PELI1: variants seen among roughly 807,000 people sequenced by gnomAD.
PELI1 encodes the protein E3 ubiquitin-protein ligase pellino homolog 1.
PELI1 carries 15 observed loss-of-function variants against 41.3 expected under a neutral mutation model. That is an observed-to-expected ratio of 0.36 (90% CI 0.24 to 0.56). The LOEUF is 0.56. PELI1 is among the 20% of genes least tolerant of loss of function. The pLI is 0.82. For missense variants in PELI1, 403 were observed against 525.5 expected, an observed-to-expected ratio of 0.77 and a Z score of 2.28; for synonymous variants, 178 against 180.1, an observed-to-expected ratio of 0.99 and a Z score of 0.09.
intron 1 of PELI1, among the ~76,000 whole-genome samples, chr2:64,127,012 C>A (rs1438464239): frequency 6.6e-6 from 1 of 152,060 alleles, no homozygotes; most frequent in Non-Finnish European, 1.5e-5. Flanking sequence ...AATCAAAAAA[C>A]AAAAAGTATG....
At chr2:64,111,375 T>C (rs1314337360) in intron 1 of PELI1, among the ~76,000 whole-genome samples, 3 of 152,186 alleles carry the variant, frequency 2.0e-5, no homozygotes, top group Non-Finnish European at 4.4e-5. Flanking sequence ...GGAAGTGACA[T>C]ACACATTTAG....
chr2:64,131,644 G>A (rs755160596), intron 1 of PELI1, among the ~76,000 whole-genome samples: 4 of 150,982 alleles, frequency 2.6e-5, no homozygotes, highest in Non-Finnish European at 2.9e-5. Context: ...AAATTGAGAC[G>A]GAGTCTCACT....
rs373232021 is a variant in PELI1 at position 64,096,466 on chromosome 2, T to C, written c.448A>G (p.Thr150Ala). Residue 150 changes from threonine to alanine, a missense_variant, in exon 5 of 7, where the codon ACA (threonine) becomes GCA (alanine). Thr to Ala is a moderately conservative substitution (Grantham distance 58, BLOSUM62 0). Transcript: ENST00000358912. ...AATCCTGCAGCATAAATCCGTGCTG[T>C]AAAGGGAGGATTCCGTTCACATATG... is the stretch of plus-strand genomic sequence containing the variant. ...RIICERNPPF[T>A]ARIYAAGFDS... The C allele has an allele frequency of 1.7e-5, 27 of 1,613,696 alleles. No homozygotes were observed. In the African/African-American group the frequency reaches 2.9e-4, roughly 18 times the overall value.
At chr2:64,126,633 A>T (rs1402738645) in intron 1 of PELI1, among the ~76,000 whole-genome samples, 1 of 152,248 alleles carries the variant, frequency 6.6e-6, no homozygotes, top group East Asian at 1.9e-4. Context: ...TTACTAAAAA[A>T]GGATGTAAAT....
intron 3 of PELI1, 66 bp downstream of exon 3, chr2:64,104,635 A>C (rs991484087): frequency 7.3e-6 from 11 of 1,496,710 alleles, no homozygotes; most frequent in African/African-American, 2.8e-5. Context: ...AGAGAATACA[A>C]ACAACACATA....
Position 64,096,423 on chromosome 2 carries a change from A to ATGTTTTTTG in PELI1, c.482_490dup (p.Asn163_Ile164insThrLysAsn). The ATGTTTTTTG allele has an allele frequency of 6.2e-7, 1 of 1,608,228 alleles. No individual in the cohort carries two copies. The highest frequency in any genetic ancestry group is 8.5e-7 in the Non-Finnish European group (1 of 1,175,458). ...AAAAAAGCTTTTTACCCCAAGAAAG[A>ATGTTTTTTG]TGTTTTTTGATGAGTCAAATCCTGC... is the stretch of plus-strand genomic sequence containing the variant. On this transcript the variant is annotated inframe_insertion, in exon 5 of 7. Transcript: ENST00000358912.
rs1680097672 is a variant in PELI1, at chr2:64,092,725, T to TA, written c.*1976dup. On this transcript the variant is annotated 3_prime_UTR_variant, in exon 7 of 7. Transcript: ENST00000358912. ...AAAAGAACCAGATACTTTAAAGTGT[T>TA]ACATTAAATGCAAACTCTTCATCTA... 6.6e-6 allele frequency: 1 copy of TA among 152,236 alleles called. No individual in the cohort carries two copies. The highest frequency in any genetic ancestry group is 1.5e-5 in the Non-Finnish European group (1 of 68,042). The allele number at this position is 152,236 out of a possible 1,614,324, so 9.4% of individuals were successfully genotyped here.
chr2:64,142,870 G>C (rs942237351), intron 1 of PELI1, among the ~76,000 whole-genome samples: 1 of 152,138 alleles, frequency 6.6e-6, no homozygotes, highest in Non-Finnish European at 1.5e-5. Context: ...AAGATCATGT[G>C]CAATGAAAAC....
chr2:64,102,127 C>T lies in PELI1; in HGVS notation c.202-1628G>A, dbSNP rs143236439. Among the ~76,000 whole-genome samples the T allele has an allele frequency of 3.4e-3, 510 of 152,034 alleles. 1 individual carries two copies. The highest frequency in any genetic ancestry group is 0.012 in the African/African-American group (480 of 41,482). On this transcript the variant is annotated intron_variant, in intron 3 of 6. Transcript: ENST00000358912. ...GGCGTGAGCCATTGTGCCTGGCCTG[C>T]GTCTGATTTTTTTAAGGAATTAAAC...
chr2:64,132,730 G>T (rs1311832412), intron 1 of PELI1, among the ~76,000 whole-genome samples: 2 of 152,182 alleles, frequency 1.3e-5, no homozygotes, highest in African/African-American at 2.4e-5. Flanking sequence ...TGGAGAAAAA[G>T]AAGTGGAGTT....
chr2:64,109,180 G>A lies in PELI1; in HGVS notation c.-69-801C>T, dbSNP rs2103692056. On this transcript the variant is annotated intron_variant, in intron 1 of 6. Transcript: ENST00000358912. ...ATAACAAGAAGGATCCTCTTCCTGA[G>A]GCATCAGTAGAGGCTGAGTAGGGAC... is the stretch of plus-strand genomic sequence containing the variant. 1.3e-5 allele frequency among the ~76,000 whole-genome samples: 2 copies of A among 152,272 alleles called. 1 individual carries two copies. The highest frequency in any genetic ancestry group is 4.1e-4 in the South Asian group (2 of 4,826).
At chr2:64,114,872 A>G (rs567501524) in intron 1 of PELI1, among the ~76,000 whole-genome samples, 28 of 152,240 alleles carry the variant, frequency 1.8e-4, no homozygotes, top group African/African-American at 6.7e-4. Context: ...CACTGCTCTA[A>G]TCTTGAAGAC....
intron 1 of PELI1, among the ~76,000 whole-genome samples, chr2:64,130,545 G>C (rs1468401625): frequency 1.3e-5 from 2 of 152,106 alleles, no homozygotes; most frequent in East Asian, 1.9e-4. Context: ...TTATATTATA[G>C]TTACATATGA....
chr2:64,143,638 A>G (rs1272526848), intron 1 of PELI1: 1 of 152,220 alleles, frequency 6.6e-6, no homozygotes, highest in African/African-American at 2.4e-5. Context: ...ATAACAATAA[A>G]AAGAATGACT....
At chr2:64,129,149 A>G (rs1044609477) in intron 1 of PELI1, among the ~76,000 whole-genome samples, 1 of 152,174 alleles carries the variant, frequency 6.6e-6, no homozygotes, top group Non-Finnish European at 1.5e-5. Flanking sequence ...GCAATCTTAT[A>G]ATAAAGGTTT....
chr2:64,135,163 T>C lies in PELI1; in HGVS notation c.-70+8918A>G, dbSNP rs116872560. On this transcript the variant is annotated intron_variant, in intron 1 of 6. Transcript: ENST00000358912. ...GACAACAAACATCAAGAGCTGAAAA[T>C]AGTTTTTGAAATTCCACTAGGCTGT... 5.5e-4 allele frequency among the ~76,000 whole-genome samples: 84 copies of C among 152,218 alleles called. 1 individual carries two copies. In the East Asian group the frequency reaches 0.013, roughly 24 times the overall value.
chr2:64,138,374 T>TAG (rs1303298964), intron 1 of PELI1, among the ~76,000 whole-genome samples: 17 of 152,312 alleles, frequency 1.1e-4, no homozygotes, highest in African/African-American at 4.1e-4. Context: ...CTCCTTCAGG[T>TAG]CATTACTCAC....
chr2:64,133,202 AC>A (rs1304270843), intron 1 of PELI1, among the ~76,000 whole-genome samples: 2 of 152,160 alleles, frequency 1.3e-5, no homozygotes, highest in African/African-American at 4.8e-5. Flanking sequence ...AATTTTAAGT[AC>A]CCCCATGAGT....
chr2:64,138,512 A>C (rs1433400102), intron 1 of PELI1, among the ~76,000 whole-genome samples: 3 of 152,066 alleles, frequency 2.0e-5, no homozygotes, highest in African/African-American at 7.3e-5. Context: ...TGATCACCTG[A>C]GGTCAGGAGT....
Sources: gnomAD v4.1 joint callset for allele counts (sites outside exome capture counted in the v4.1 genomes callset) on GRCh38, gnomAD v4.1.1 for gene constraint, MANE v1.5 for transcripts, NCBI Gene and HGNC (gene_info 2026-07-23, HGNC 2026-07-21) for gene names.